CATSPERT: variants seen among roughly 807,000 people sequenced by gnomAD.
The protein encoded by CATSPERT is catsper channel auxiliary subunit tau, also known as cation channel sperm-associated targeting subunit tau.
the CATSPERT span, among the ~76,000 whole-genome samples, chr2:201,607,405 A>C: frequency 6.6e-6 from 1 of 152,192 alleles, no homozygotes; most frequent in Non-Finnish European, 1.5e-5. Flanking sequence ...TAATCACAGC[A>C]ATTTGGGAGG....
the CATSPERT span, among the ~76,000 whole-genome samples, chr2:201,617,013 T>A: frequency 2.0e-5 from 3 of 151,924 alleles, no homozygotes; most frequent in Non-Finnish European, 2.9e-5. Context: ...GATGTGAAGG[T>A]TCTCTTCAAG....
chr2:201,529,537 A>C, the CATSPERT span, among the ~76,000 whole-genome samples: 1 of 152,208 alleles, frequency 6.6e-6, no homozygotes, highest in African/African-American at 2.4e-5. Flanking sequence ...TGGGAAAAAT[A>C]GATATGGCCC....
chr2:201,521,506 A>G, the CATSPERT span, among the ~76,000 whole-genome samples: 1 of 152,128 alleles, frequency 6.6e-6, no homozygotes, highest in Admixed American at 6.6e-5. Flanking sequence ...ATCTCCTGAT[A>G]ACTCACTCAC....
chr2:201,515,172 A>G, the CATSPERT span, among the ~76,000 whole-genome samples: 1 of 134,796 alleles, frequency 7.4e-6, no homozygotes, highest in African/African-American at 2.7e-5. Context: ...TTGATTGCCA[A>G]AGGAATTGAG....
the CATSPERT span, among the ~76,000 whole-genome samples, chr2:201,527,569 C>T: frequency 1.3e-5 from 2 of 152,068 alleles, no homozygotes; most frequent in African/African-American, 4.8e-5. Context: ...ACACATAGAC[C>T]AATGGAACAG....
the CATSPERT span, among the ~76,000 whole-genome samples, chr2:201,548,470 A>G: frequency 6.6e-6 from 1 of 152,158 alleles, no homozygotes. Context: ...ACTGGGGACT[A>G]GGATTTTAAC....
At chr2:201,593,422 T>A in the CATSPERT span, among the ~76,000 whole-genome samples, 2 of 151,892 alleles carry the variant, frequency 1.3e-5, no homozygotes, top group Admixed American at 6.6e-5. Flanking sequence ...AATTTTGGAA[T>A]AGGTGTGTTA....
At chr2:201,575,131 A>T in the CATSPERT span, 1 of 563,918 alleles carries the variant, frequency 1.8e-6, no homozygotes, top group Non-Finnish European at 2.9e-6. Flanking sequence ...TTTCTATTTC[A>T]TACATTTCTA....
At chr2:201,618,282 C>T in the CATSPERT span, among the ~76,000 whole-genome samples, 2 of 152,154 alleles carry the variant, frequency 1.3e-5, no homozygotes, top group Admixed American at 1.3e-4. Context: ...TGGCACTATT[C>T]ACAATGGCAA....
chr2:201,546,051 TAAGGTA>T, the CATSPERT span, among the ~76,000 whole-genome samples: 1 of 152,154 alleles, frequency 6.6e-6, no homozygotes, highest in African/African-American at 2.4e-5. Context: ...AGGAGAATTA[TAAGGTA>T]AAGTGATCAG....
At chr2:201,492,110 G>A in the CATSPERT span, 17 of 1,525,650 alleles carry the variant, frequency 1.1e-5, no homozygotes, top group Admixed American at 8.3e-5. Context: ...TCTTTCTCTC[G>A]AATCAATTCT....
chr2:201,531,422 TAAATAA>T, the CATSPERT span, among the ~76,000 whole-genome samples: 1 of 152,152 alleles, frequency 6.6e-6, no homozygotes, highest in Non-Finnish European at 1.5e-5. Flanking sequence ...GATACAGTGG[TAAATAA>T]GACTAAATCT....
the CATSPERT span, among the ~76,000 whole-genome samples, chr2:201,585,181 A>C: frequency 6.6e-6 from 1 of 152,144 alleles, no homozygotes; most frequent in Admixed American, 6.6e-5. Context: ...GGAGTTGAAC[A>C]ATGAGAACAC....
chr2:201,515,218 T>TAG, the CATSPERT span, among the ~76,000 whole-genome samples: 88 of 44,928 alleles, frequency 2.0e-3, 10 homozygotes, highest in African/African-American at 6.0e-3. Context: ...TTTTTTTTTT[T>TAG]TTTTTTTTTT....
chr2:201,590,335 A>C, the CATSPERT span, among the ~76,000 whole-genome samples: 1 of 151,754 alleles, frequency 6.6e-6, no homozygotes, highest in Admixed American at 6.6e-5. Flanking sequence ...TTATGGCTGC[A>C]TAGTATTCCA....
At chr2:201,496,047 A>G in the CATSPERT span, 1 of 958,748 alleles carries the variant, frequency 1.0e-6, no homozygotes, top group Non-Finnish European at 1.5e-6. Context: ...TGCAATAGTT[A>G]TTAGAGATAT....
the CATSPERT span, among the ~76,000 whole-genome samples, chr2:201,611,456 C>CTTA: frequency 6.6e-6 from 1 of 152,126 alleles, no homozygotes; most frequent in Non-Finnish European, 1.5e-5. Context: ...TTATGGGATG[C>CTTA]TGCGAAAGCA....
chr2:201,571,011 G>T, the CATSPERT span, among the ~76,000 whole-genome samples: 1 of 152,050 alleles, frequency 6.6e-6, no homozygotes, highest in South Asian at 2.1e-4. Flanking sequence ...TTATTCCATT[G>T]GCATCATCAT....
At chr2:201,538,571 T>G in the CATSPERT span, among the ~76,000 whole-genome samples, 10 of 152,136 alleles carry the variant, frequency 6.6e-5, no homozygotes, top group Non-Finnish European at 1.3e-4. Flanking sequence ...TATAATATCT[T>G]TTATGGTACT....
Sources: gnomAD v4.1 joint callset for allele counts (sites outside exome capture counted in the v4.1 genomes callset) on GRCh38, gnomAD v4.1.1 for gene constraint, MANE v1.5 for transcripts, NCBI Gene and HGNC (gene_info 2026-07-23, HGNC 2026-07-21) for gene names.